Variants in GNB4 observed in about 807,000 individuals in gnomAD.
GNB4 encodes the protein guanine nucleotide-binding protein subunit beta-4.
GNB4 carries 28 observed loss-of-function variants against 45.2 expected under a neutral mutation model. That is an observed-to-expected ratio of 0.62 (90% CI 0.46 to 0.85). GNB4 has a LOEUF of 0.85. GNB4 is among the 40% of genes least tolerant of loss of function. The probability of loss-of-function intolerance (pLI) is 0.00; values close to 1 mark genes in which losing one functional copy is unlikely to be tolerated. For synonymous variants in GNB4, 132 were observed against 143.7 expected, an observed-to-expected ratio of 0.92 and a Z score of 0.58; for missense variants, 321 against 425.4, an observed-to-expected ratio of 0.75 and a Z score of 2.16.
the GNB4 span, among the ~76,000 whole-genome samples, chr3:179,523,588 A>T: frequency 2.6e-5 from 4 of 152,258 alleles, no homozygotes; most frequent in East Asian, 7.7e-4. Flanking sequence ...AATGGTAAGG[A>T]GAGTTTATAG....
the GNB4 span, among the ~76,000 whole-genome samples, chr3:179,489,041 TA>T: frequency 7.9e-4 from 63 of 80,018 alleles, 7 homozygotes; most frequent in East Asian, 5.5e-3. Flanking sequence ...TATATATATA[TA>T]TATAATATAT....
chr3:179,453,532 C>G (rs1170070074), upstream of GNB4, among the ~76,000 whole-genome samples: 1 of 152,134 alleles, frequency 6.6e-6, no homozygotes. Context: ...TGTTGAAAAA[C>G]AAGTTGCTGG....
intron 4 of GNB4, among the ~76,000 whole-genome samples, chr3:179,418,470 C>CAAAAAAAAA (rs386356535): frequency 5.4e-4 from 51 of 95,274 alleles, no homozygotes; most frequent in Middle Eastern, 5.7e-3. Context: ...AACTCTGTCT[C>CAAAAAAAAA]AAAAAAAAAA....
chr3:179,518,489 C>T, the GNB4 span, among the ~76,000 whole-genome samples: 10 of 152,046 alleles, frequency 6.6e-5, no homozygotes, highest in East Asian at 1.9e-4. Flanking sequence ...TCTACAGACC[C>T]GTCTGACCTC....
At chr3:179,445,281 T>C (rs915929193) in intron 1 of GNB4, among the ~76,000 whole-genome samples, 4 of 152,102 alleles carry the variant, frequency 2.6e-5, no homozygotes, top group African/African-American at 9.7e-5. Flanking sequence ...CTTTATACTT[T>C]TTTTTCCTTT....
At chr3:179,442,626 A>C (rs1490916393) in intron 1 of GNB4, among the ~76,000 whole-genome samples, 1 of 151,302 alleles carries the variant, frequency 6.6e-6, no homozygotes, top group African/African-American at 2.4e-5. Flanking sequence ...GTCCTATGTC[A>C]CTTTTTTTTT....
At chr3:179,443,677 C>G (rs1365441701) in intron 1 of GNB4, among the ~76,000 whole-genome samples, 1 of 152,134 alleles carries the variant, frequency 6.6e-6, no homozygotes, top group African/African-American at 2.4e-5. Context: ...TTTTAGTTAA[C>G]AAGCAAGTGT....
At chr3:179,433,185 G>A (rs1348538602) in intron 1 of GNB4, among the ~76,000 whole-genome samples, 2 of 152,008 alleles carry the variant, frequency 1.3e-5, no homozygotes, top group African/African-American at 4.8e-5. Flanking sequence ...AAAATTGAGT[G>A]GGACTTCTCC....
the GNB4 span, among the ~76,000 whole-genome samples, chr3:179,517,475 A>G: frequency 6.6e-6 from 1 of 152,020 alleles, no homozygotes; most frequent in African/African-American, 2.4e-5. Flanking sequence ...CATGGACATG[A>G]GTGAAATTTT....
intron 1 of GNB4, among the ~76,000 whole-genome samples, chr3:179,438,658 T>C (rs963478014): frequency 6.6e-6 from 1 of 152,234 alleles, no homozygotes; most frequent in Admixed American, 6.5e-5. Context: ...CTTCCTCTAC[T>C]GAACTCCTTA....
chr3:179,415,875 C>A (rs1330223680), intron 5 of GNB4, among the ~76,000 whole-genome samples: 1 of 152,076 alleles, frequency 6.6e-6, no homozygotes, highest in Non-Finnish European at 1.5e-5. Context: ...ATTATTATTT[C>A]ACAAAATGGT....
At chr3:179,484,999 CGTTTTGTTTTTTT>C in the GNB4 span, among the ~76,000 whole-genome samples, 1 of 103,384 alleles carries the variant, frequency 9.7e-6, no homozygotes, top group Non-Finnish European at 2.0e-5. Context: ...CAACTTTTTT[CGTTTTGTTTTTTT>C]TTTTTTTTTT....
chr3:179,427,032 G>A (rs1715168167), intron 1 of GNB4, among the ~76,000 whole-genome samples: 1 of 151,990 alleles, frequency 6.6e-6, no homozygotes, highest in Non-Finnish European at 1.5e-5. Flanking sequence ...CTCTGTTCCA[G>A]TTGTTCAAAG....
At chr3:179,425,631 T>C (rs1270821335) in intron 2 of GNB4, among the ~76,000 whole-genome samples, 2 of 151,970 alleles carry the variant, frequency 1.3e-5, no homozygotes, top group East Asian at 3.9e-4. Context: ...CCACCACGCC[T>C]GGCTAATTTT....
the GNB4 span, among the ~76,000 whole-genome samples, chr3:179,517,375 C>T: frequency 5.9e-5 from 9 of 152,222 alleles, no homozygotes; most frequent in South Asian, 6.2e-4. Context: ...TATCTCCCTT[C>T]GCTGACTGTC....
rs1235616207 is a variant in GNB4, at chr3:179,398,635, C to T, written c.*2578G>A. ...AAAAACTAAGATCCAAACTATTCAA[C>T]ATCTCTACAAATTATATACTCATTG... is the stretch of plus-strand genomic sequence containing the variant. On this transcript the variant is annotated 3_prime_UTR_variant, in exon 10 of 10. Coordinates refer to ENST00000232564, the MANE Select transcript of GNB4 (RefSeq NM_021629.4). 1 of 151,970 alleles carries T rather than the reference C, an allele frequency of 6.6e-6. No individual in the cohort carries two copies. Among genetic ancestry groups the T allele is most frequent in the Non-Finnish European group, 1.5e-5 (1 of 67,990 alleles). 9.4% of individuals were successfully genotyped at this position (151,970 alleles called of 1,614,324 possible). A position where few individuals can be genotyped will look rare whatever the true frequency, so the allele number is the denominator to read the frequency against.
At chr3:179,430,071 GAGACAGAC>G (rs3086948) in intron 1 of GNB4, among the ~76,000 whole-genome samples, 42,855 of 142,030 alleles carry the variant, frequency 0.3, 6,412 homozygotes, top group East Asian at 0.38. Context: ...GACTGAGAGA[GAGACAGAC>G]AGACAGACAG....
chr3:179,398,351 CTAAAAATA>C lies in GNB4; in HGVS notation c.*2854_*2861del, dbSNP rs1284810485. The C allele has an allele frequency of 6.6e-6, 1 of 151,624 alleles. No homozygotes were observed. The highest frequency in any genetic ancestry group is 2.4e-5 in the African/African-American group (1 of 41,238). The allele number at this position is 151,624 out of a possible 1,614,324, so 9.4% of individuals were successfully genotyped here. On this transcript the variant is annotated 3_prime_UTR_variant, in exon 10 of 10. Transcript: ENST00000232564. ...CCAAGATGGTGAAACCCCATCTCTA[CTAAAAATA>C]CAAAAATTAGCCGGGCATGGTGGCA...
At chr3:179,416,631 A>C (rs921755993) in intron 4 of GNB4, 75 bp from the exon 5 acceptor site, 1 of 771,332 alleles carries the variant, frequency 1.3e-6, no homozygotes, top group Non-Finnish European at 2.1e-6. Flanking sequence ...CATTGCATTA[A>C]TGTAGAATAA....
Sources: allele counts gnomAD v4.1 joint callset (sites outside exome capture counted in the v4.1 genomes callset), GRCh38; gene constraint gnomAD v4.1.1; transcripts MANE v1.5; gene names NCBI Gene and HGNC (gene_info 2026-07-23, HGNC 2026-07-21).